The following PROZ variants were observed in gnomAD, a reference collection of about 807,000 sequenced individuals.
PROZ encodes vitamin K-dependent protein Z.
A neutral mutation model predicts 34.9 loss-of-function variants in PROZ; 46 were observed. That is an observed-to-expected ratio of 1.32 (90% CI 1.04 to 1.69). The LOEUF is 1.69. Ranked by LOEUF, PROZ falls within the 40% of genes most tolerant of loss-of-function variation. PROZ has a pLI of 0.00. For missense variants in PROZ, 530 were observed against 520.4 expected (o/e 1.02, Z -0.18); for synonymous variants, 195 against 208.5 (o/e 0.94, Z 0.56).
chr13:113,159,258 G>A lies in PROZ; in HGVS notation c.70+528G>A. ...TGACTCTGCCTGCACAGGCGTCCAGGAAAGCTGCAAGTCAAAACACCCAGC... is the reference window on the plus strand; with the variant it reads ...TGACTCTGCCTGCACAGGCGTCCAGAAAAGCTGCAAGTCAAAACACCCAGC... On this transcript the variant is annotated intron_variant, in intron 1 of 7. Coordinates refer to ENST00000375547, the MANE Select transcript of PROZ (RefSeq NM_003891.3). The surrounding 1 kb of genome is among the most constrained non-coding windows in gnomAD (Gnocchi z 4.6). 6.5e-7 allele frequency: 1 copy of A among 1,547,328 alleles called. No individual in the cohort carries two copies. Among genetic ancestry groups the A allele is most frequent in the Non-Finnish European group, 8.7e-7 (1 of 1,143,854 alleles).
chr13:113,167,651 T>C (rs2036979350), intron 6 of PROZ, among the ~76,000 whole-genome samples: 2 of 152,382 alleles, frequency 1.3e-5, no homozygotes, highest in East Asian at 3.9e-4. Context: ...AGCCTATTTG[T>C]ATTTTTATAA....
chr13:113,164,505 C>CG lies in PROZ; in HGVS notation c.374-8_374-7insG, dbSNP rs397717032. 1.2e-6 allele frequency: 2 copies of CG among 1,604,948 alleles called. No individual in the cohort carries two copies. Among genetic ancestry groups the CG allele is most frequent in the South Asian group, 1.1e-5 (1 of 90,032 alleles). ...GCTAGCATTTCCTTTTTTTTTTTTC[C>CG]TTTTCAGCTAAAAATGAATGTCACC... On this transcript the variant is annotated splice_region_variant and splice_polypyrimidine_tract_variant and intron_variant, in intron 4 of 7. Transcript: ENST00000375547.
chr13:113,165,300 C>A, intron 6 of PROZ, 180 bp downstream of exon 6: 1 of 689,524 alleles, frequency 1.5e-6, no homozygotes, highest in Non-Finnish European at 2.6e-6. Context: ...GAGTTCATAA[C>A]TAATACAAAA....
Position 113,164,528 on chromosome 13 carries a change from A to AC in PROZ, c.392dup (p.Glu132ArgfsTer4). ...TCCTTTTCAGCTAAAAATGAATGTCACCCAGAGCGGACTGATGGGTGTCAA... is the reference window on the plus strand; with the variant it reads ...TCCTTTTCAGCTAAAAATGAATGTCACCCCAGAGCGGACTGATGGGTGTCAA... On this transcript the variant is annotated frameshift_variant, in exon 5 of 8. Transcript: ENST00000375547. LOFTEE classifies it high-confidence loss of function. The AC allele has an allele frequency of 2.5e-6, 4 of 1,611,590 alleles. No individual in the cohort carries two copies. The highest frequency in any genetic ancestry group is 3.4e-6 in the Non-Finnish European group (4 of 1,179,708).
chr13:113,160,760 C>A lies in PROZ; in HGVS notation c.235-188C>A, dbSNP rs546605452. On this transcript the variant is annotated intron_variant, in intron 2 of 7. Coordinates refer to ENST00000375547, the MANE Select transcript of PROZ (RefSeq NM_003891.3). Reference sequence around the variant, plus strand: ...TGTTGAGTAATATATCTTACAGATACATTTAGTTACTATACATTTAACATA... The same window carrying A: ...TGTTGAGTAATATATCTTACAGATAAATTTAGTTACTATACATTTAACATA... Among the ~76,000 whole-genome samples the A allele has an allele frequency of 2.0e-5, 3 of 152,228 alleles. No individual in the cohort carries two copies. The South Asian group carries it at 6.2e-4, about 32-fold the overall frequency.
At position 113,160,087 on chromosome 13, in the gene PROZ, A is replaced by C. The variant is rs1595105900; in HGVS notation, c.144A>C (p.Glu48Asp). Residue 48 changes from glutamate (E) to aspartate (D), a missense_variant, in exon 2 of 8, where the codon GAA becomes GAC. Physicochemically the swap from Glu to Asp is conservative, Grantham distance 45. Coordinates refer to ENST00000375547, the MANE Select transcript of PROZ (RefSeq NM_003891.3). ...WKRAGSYLLE[E>D]LFEGNLEKEC... is the part of the protein sequence containing the mutation. Reference sequence around the variant, plus strand: ...GTGCGGGCTCCTATCTTCTGGAAGAACTCTTCGAGGGAAACTTGGAAAAAG... The same window carrying C: ...GTGCGGGCTCCTATCTTCTGGAAGACCTCTTCGAGGGAAACTTGGAAAAAG... 2.5e-6 allele frequency: 4 copies of C among 1,613,970 alleles called. No individual in the cohort carries two copies. Among genetic ancestry groups the C allele is most frequent in the Non-Finnish European group, 2.5e-6 (3 of 1,179,992 alleles).
chr13:113,163,650 G>C (rs2138580962), intron 4 of PROZ, among the ~76,000 whole-genome samples: 1 of 152,260 alleles, frequency 6.6e-6, no homozygotes, highest in East Asian at 1.9e-4. Context: ...CCGAAGTCCA[G>C]ATTTCTGCTC....
intron 6 of PROZ, among the ~76,000 whole-genome samples, chr13:113,165,763 T>G (rs913550117): frequency 2.0e-5 from 3 of 152,152 alleles, no homozygotes; most frequent in African/African-American, 7.2e-5. Context: ...ATGCCTGACC[T>G]CAAGTGACCC....
At chr13:113,163,608 G>T (rs2138580825) in intron 4 of PROZ, among the ~76,000 whole-genome samples, 1 of 152,224 alleles carries the variant, frequency 6.6e-6, no homozygotes, top group South Asian at 2.1e-4. Context: ...GTTTCTCTGG[G>T]GAAAACCTTC....
chr13:113,158,652 C>T lies in PROZ; in HGVS notation c.-9C>T, dbSNP rs372117167. On this transcript the variant is annotated 5_prime_UTR_variant, in exon 1 of 8. Transcript: ENST00000375547. The surrounding 1 kb of genome is among the most constrained non-coding windows in gnomAD (Gnocchi z 4.3). Reference sequence around the variant, plus strand: ...TGTTTGTAGCCCTGTCCCAGCGCTCCGGGTGGGAATGGCAGGCTGCGTCCC... The same window carrying T: ...TGTTTGTAGCCCTGTCCCAGCGCTCTGGGTGGGAATGGCAGGCTGCGTCCC... The T allele has an allele frequency of 1.2e-5, 19 of 1,599,864 alleles. No individual in the cohort carries two copies. Among genetic ancestry groups the T allele is most frequent in the African/African-American group, 6.7e-5 (5 of 74,734 alleles).
intron 4 of PROZ, among the ~76,000 whole-genome samples, chr13:113,163,641 C>T (rs562434424): frequency 2.0e-5 from 3 of 152,326 alleles, no homozygotes; most frequent in East Asian, 1.9e-4. Context: ...CCCTCTCCTC[C>T]GAAGTCCAGA....
intron 3 of PROZ, among the ~76,000 whole-genome samples, chr13:113,161,565 G>A (rs1320774986): frequency 6.6e-6 from 1 of 152,148 alleles, no homozygotes; most frequent in Non-Finnish European, 1.5e-5. Flanking sequence ...AAGCGGGAGA[G>A]GCAGGGAAGG....
At chr13:113,168,347 C>T (rs762455899) in intron 6 of PROZ, among the ~76,000 whole-genome samples, 15 of 152,202 alleles carry the variant, frequency 9.9e-5, no homozygotes, top group Non-Finnish European at 1.2e-4. Flanking sequence ...TGCTGTGAGG[C>T]GTCTGGGGAA....
chr13:113,169,337 T>G (rs1345595700), intron 6 of PROZ, among the ~76,000 whole-genome samples: 1 of 152,236 alleles, frequency 6.6e-6, no homozygotes, highest in Non-Finnish European at 1.5e-5. Flanking sequence ...TGTCTCTACT[T>G]AACTTTTTGA....
rs3024719 is a variant in PROZ, at chr13:113,159,911, G to T, written c.71-103G>T. The T allele has an allele frequency of 1.8e-5, 25 of 1,409,580 alleles. No homozygotes were observed. The highest frequency in any genetic ancestry group is 2.4e-4 in the Middle Eastern group (1 of 4,130). The allele number at this position is 1,409,580 out of a possible 1,614,324, so 87.3% of individuals were successfully genotyped here. A position where few individuals can be genotyped will look rare whatever the true frequency, so the allele number is the denominator to read the frequency against. ...TCGCAGGCTGAGAGCCTGTGGAGACGGACGGGGCTGGGGCTGGCGGCCGGC... is the reference window on the plus strand; with the variant it reads ...TCGCAGGCTGAGAGCCTGTGGAGACTGACGGGGCTGGGGCTGGCGGCCGGC... On this transcript the variant is annotated intron_variant, in intron 1 of 7. Transcript: ENST00000375547. The surrounding 1 kb of genome is among the most constrained non-coding windows in gnomAD (Gnocchi z 4.6).
chr13:113,160,764 T>A lies in PROZ; in HGVS notation c.235-184T>A, dbSNP rs539705299. On this transcript the variant is annotated intron_variant, in intron 2 of 7. Transcript: ENST00000375547. ...GAGTAATATATCTTACAGATACATT[T>A]AGTTACTATACATTTAACATAAACA... Among the ~76,000 whole-genome samples the A allele has an allele frequency of 3.3e-5, 5 of 152,314 alleles. No homozygotes were observed. The South Asian group carries it at 1.0e-3, about 32-fold the overall frequency.
At chr13:113,170,623 C>G in intron 7 of PROZ, 93 bp downstream of exon 7, 1 of 819,482 alleles carries the variant, frequency 1.2e-6, no homozygotes, top group Admixed American at 1.8e-5. Flanking sequence ...TGGACTGTTT[C>G]TAATGCAACA....
At position 113,171,668 on chromosome 13, in the gene PROZ, G is replaced by A. The variant is rs1312449752; in HGVS notation, c.766G>A (p.Asp256Asn). Reference protein sequence around the residue: ...HVHVHMRYDADAGENDLSLLE... With the variant: ...HVHVHMRYDANAGENDLSLLE... ...CCATGTGCACATGCGGTATGACGCGGACGCGGGGGAGAATGACCTGTCACT... is the reference window on the plus strand; with the variant it reads ...CCATGTGCACATGCGGTATGACGCGAACGCGGGGGAGAATGACCTGTCACT... The change falls in exon 8 of 8, where the codon GAC becomes AAC. Residue 256 changes from aspartate (D) to asparagine (N), a missense_variant. Transcript: ENST00000375547. The surrounding 1 kb of genome is among the most constrained non-coding windows in gnomAD (Gnocchi z 5.1). 3.7e-6 allele frequency: 6 copies of A among 1,613,978 alleles called. No individual in the cohort carries two copies. The South Asian group carries it at 4.4e-5, about 12-fold the overall frequency.
chr13:113,159,939 G>A lies in PROZ; in HGVS notation c.71-75G>A. The stretch of plus-strand genomic sequence containing the variant: ...CGGGGCTGGGGCTGGCGGCCGGCCG[G>A]GGAGGAAGCCAGGCAGCTCTGGAAA... On this transcript the variant is annotated intron_variant, in intron 1 of 7. Transcript: ENST00000375547. The surrounding 1 kb of genome is among the most constrained non-coding windows in gnomAD (Gnocchi z 4.6). 1 of 1,580,204 alleles carries A rather than the reference G, an allele frequency of 6.3e-7. No homozygotes were observed. The highest frequency in any genetic ancestry group is 8.7e-7 in the Non-Finnish European group (1 of 1,151,340).
Sources: gnomAD v4.1 joint callset for allele counts (sites outside exome capture counted in the v4.1 genomes callset) on GRCh38, gnomAD v4.1.1 for gene constraint, Gnocchi (gnomAD v3.1) non-coding constraint, MANE v1.5 for transcripts, NCBI Gene and HGNC (gene_info 2026-07-23, HGNC 2026-07-21) for gene names.